CFAP20DC: variants seen among roughly 807,000 people sequenced by gnomAD.
CFAP20DC encodes the protein protein CFAP20DC.
A neutral mutation model predicts 101.7 loss-of-function variants in CFAP20DC; 84 were observed. The ratio of observed to expected loss-of-function variants is 0.83; its 90% confidence interval spans 0.69 to 0.99. The LOEUF (loss-of-function observed/expected upper bound fraction) is 0.99, where lower values mean the gene tolerates loss of function less well. CFAP20DC is among the 50% of genes least tolerant of loss of function. The pLI, the probability that CFAP20DC is intolerant of heterozygous loss-of-function variation, is 0.00. For synonymous variants in CFAP20DC, 359 were observed against 351.2 expected (o/e 1.02, Z -0.25); for missense variants, 1,007 against 970.3 (o/e 1.04, Z -0.50).
chr3:58,828,322 A>T (rs923843576), intron 14 of CFAP20DC, among the ~76,000 whole-genome samples: 14 of 152,178 alleles, frequency 9.2e-5, no homozygotes, highest in Admixed American at 9.2e-4. Context: ...AGCATTTTAT[A>T]AGGGTCACAG....
chr3:58,941,771 TG>T (rs2088632830), intron 4 of CFAP20DC, among the ~76,000 whole-genome samples: 1 of 152,068 alleles, frequency 6.6e-6, no homozygotes, highest in Admixed American at 6.5e-5. Context: ...GGTTTCACCG[TG>T]GTCTCGATCT....
intron 4 of CFAP20DC, among the ~76,000 whole-genome samples, chr3:58,957,048 T>G (rs571341203): frequency 8.8e-4 from 134 of 152,058 alleles, no homozygotes; most frequent in African/African-American, 3.1e-3. Flanking sequence ...CAGGAAACAA[T>G]CAACAAACTG....
rs1487812822 is a variant in CFAP20DC at position 59,007,600 on chromosome 3, T to G, written c.278+31957A>C. Among the ~76,000 whole-genome samples the G allele has an allele frequency of 6.6e-6, 1 of 152,228 alleles. No homozygotes were observed. The highest frequency in any genetic ancestry group is 1.5e-5 in the Non-Finnish European group (1 of 68,032). On this transcript the variant is annotated intron_variant, in intron 4 of 16. Coordinates refer to ENST00000482387, the MANE Select transcript of CFAP20DC (RefSeq NM_001394063.1). This position sits in a 1 kb window ranked among gnomAD's most constrained non-coding sequence, Gnocchi z 4.4. ...TAAACATGTCTACAACTAAGGACTC[T>G]CACAGAGCCTACATCACTGCCGTGC...
intron 4 of CFAP20DC, among the ~76,000 whole-genome samples, chr3:58,994,757 G>A (rs986324731): frequency 2.0e-5 from 3 of 151,596 alleles, no homozygotes; most frequent in Non-Finnish European, 4.4e-5. Context: ...TTAGCAGGAA[G>A]AGGAGAGAAA....
At chr3:59,043,523 G>T (rs898573544) in intron 3 of CFAP20DC, among the ~76,000 whole-genome samples, 2 of 151,904 alleles carry the variant, frequency 1.3e-5, no homozygotes, top group Non-Finnish European at 2.9e-5. Flanking sequence ...GGGGGCTTGA[G>T]GAGGCCTGGG....
intron 5 of CFAP20DC, among the ~76,000 whole-genome samples, chr3:58,931,367 C>G (rs2086652892): frequency 6.6e-6 from 1 of 152,222 alleles, no homozygotes; most frequent in Non-Finnish European, 1.5e-5. Context: ...AAAAAGACAG[C>G]AGTAACCTCT....
chr3:58,982,197 G>C (rs2092578314), intron 4 of CFAP20DC, among the ~76,000 whole-genome samples: 1 of 152,188 alleles, frequency 6.6e-6, no homozygotes, highest in Non-Finnish European at 1.5e-5. Context: ...TCATTAAAAA[G>C]TCAGGAAACA....
chr3:58,977,414 A>C (rs1169582585), intron 4 of CFAP20DC, among the ~76,000 whole-genome samples: 3 of 152,224 alleles, frequency 2.0e-5, no homozygotes, highest in African/African-American at 7.2e-5. Context: ...ATATAAATTA[A>C]ACAGTTGAAG....
intron 15 of CFAP20DC, chr3:58,794,244 C>T (rs942534762): frequency 4.7e-6 from 2 of 429,018 alleles, no homozygotes; most frequent in Non-Finnish European, 4.8e-6. Context: ...TTTTCCCATG[C>T]CTACACCAAA....
At chr3:59,042,574 G>C (rs1157192565) in intron 3 of CFAP20DC, among the ~76,000 whole-genome samples, 1 of 151,942 alleles carries the variant, frequency 6.6e-6, no homozygotes, top group East Asian at 1.9e-4. Context: ...ATAGGAAATA[G>C]GTCAGAACTA....
intron 14 of CFAP20DC, among the ~76,000 whole-genome samples, chr3:58,815,625 T>C (rs2075056652): frequency 6.6e-6 from 1 of 151,320 alleles, no homozygotes; most frequent in Admixed American, 6.6e-5. Flanking sequence ...AAAGGGCTAA[T>C]ATCCAGAATC....
chr3:58,738,128 G>T (rs115327401), downstream of CFAP20DC, among the ~76,000 whole-genome samples: 1 of 152,138 alleles, frequency 6.6e-6, no homozygotes, highest in Non-Finnish European at 1.5e-5. This position sits in a 1 kb window ranked among gnomAD's most constrained non-coding sequence, Gnocchi z 4.4. Flanking sequence ...AATGATGTAC[G>T]AAATAGAAAT....
At chr3:59,026,403 G>C (rs1288955885) in intron 4 of CFAP20DC, among the ~76,000 whole-genome samples, 1 of 152,080 alleles carries the variant, frequency 6.6e-6, no homozygotes, top group Non-Finnish European at 1.5e-5. Flanking sequence ...TTTGCATTTG[G>C]TTAACATCTC....
chr3:58,778,139 A>C (rs2071500810), intron 15 of CFAP20DC, among the ~76,000 whole-genome samples: 1 of 152,116 alleles, frequency 6.6e-6, no homozygotes, highest in Non-Finnish European at 1.5e-5. Flanking sequence ...AAGCAACCCC[A>C]GCCTGCTCAG....
chr3:58,897,996 G>C lies in CFAP20DC; in HGVS notation c.551-13287C>G, dbSNP rs967287273. ...GTTTTCCAACTTGGTTCCATCTCCC[G>C]GTCTCTTTCAGGTACCTCAGTCAGT... On this transcript the variant is annotated intron_variant, in intron 6 of 16. Transcript: ENST00000482387. The surrounding 1 kb of genome is among the most constrained non-coding windows in gnomAD (Gnocchi z 4.4). 6.6e-6 allele frequency among the ~76,000 whole-genome samples: 1 copy of C among 151,980 alleles called. No homozygotes were observed. The highest frequency in any genetic ancestry group is 1.5e-5 in the Non-Finnish European group (1 of 68,012).
At chr3:58,768,443 C>G (rs1208122700) in intron 15 of CFAP20DC, among the ~76,000 whole-genome samples, 1 of 152,182 alleles carries the variant, frequency 6.6e-6, no homozygotes. Flanking sequence ...GAGCGGGAAT[C>G]TGAGGTCTTG....
intron 12 of CFAP20DC, among the ~76,000 whole-genome samples, chr3:58,853,442 C>G (rs1456620424): frequency 1.3e-5 from 2 of 152,112 alleles, no homozygotes; most frequent in African/African-American, 4.8e-5. Context: ...TGAAACTATT[C>G]CAATCAATAG....
At chr3:58,881,317 C>G (rs1278297499) in intron 7 of CFAP20DC, among the ~76,000 whole-genome samples, 1 of 151,992 alleles carries the variant, frequency 6.6e-6, no homozygotes, top group Non-Finnish European at 1.5e-5. Flanking sequence ...CTTAGTGGAC[C>G]ACTGCATCTT....
chr3:58,757,625 G>T (rs59277597), intron 15 of CFAP20DC, among the ~76,000 whole-genome samples: 12,584 of 152,040 alleles, frequency 0.083, 872 homozygotes, highest in East Asian at 0.35. Flanking sequence ...CTGTGGAAAT[G>T]CACCCATGTT....
Sources: gnomAD v4.1 joint callset for allele counts (sites outside exome capture counted in the v4.1 genomes callset) on GRCh38, gnomAD v4.1.1 for gene constraint, Gnocchi (gnomAD v3.1) non-coding constraint, MANE v1.5 for transcripts, NCBI Gene and HGNC (gene_info 2026-07-23, HGNC 2026-07-21) for gene names.